The following DPY19L4 variants were observed in gnomAD, a reference collection of about 807,000 sequenced individuals.
DPY19L4 encodes the protein dpy-19 like 4.
DPY19L4 carries 97 observed loss-of-function variants against 102.8 expected under a neutral mutation model. The observed-to-expected ratio is 0.94, with a 90% CI of 0.80 to 1.12. The LOEUF is 1.12. DPY19L4 is among the 50% of genes most tolerant of loss of function. The probability of loss-of-function intolerance (pLI) is 0.00; values close to 1 mark genes in which losing one functional copy is unlikely to be tolerated. For missense variants in DPY19L4, 815 were observed against 850.4 expected (o/e 0.96, Z 0.52); for synonymous variants, 252 against 283.1 (o/e 0.89, Z 1.10).
intron 1 of DPY19L4, 46 bp downstream of exon 1, chr8:94,720,060 G>T: frequency 6.6e-7 from 1 of 1,515,412 alleles, no homozygotes; most frequent in African/African-American, 1.4e-5. Flanking sequence ...CAGTGGTCTC[G>T]GGAAGGAGGG....
chr8:94,723,882 C>CT lies in DPY19L4; in HGVS notation c.17-2447dup, dbSNP rs1475202029. 9.9e-5 allele frequency among the ~76,000 whole-genome samples: 15 copies of CT among 151,890 alleles called. No individual in the cohort carries two copies. In the East Asian group the frequency reaches 2.9e-3, roughly 29 times the overall value. ...TTATAGATTACATATTTGTATGGTC[C>CT]TTGATCATTGCTAATATAAGTTCTT... On this transcript the variant is annotated intron_variant, in intron 1 of 18. Transcript: ENST00000414645.
chr8:94,763,439 C>G (rs913433061), intron 8 of DPY19L4, among the ~76,000 whole-genome samples: 1 of 151,712 alleles, frequency 6.6e-6, no homozygotes, highest in Non-Finnish European at 1.5e-5. Context: ...CTCCCAGGCT[C>G]AAGCAATCCT....
chr8:94,764,689 G>GTGTGTGTGTGTATATATATA (rs1415377058), intron 8 of DPY19L4, among the ~76,000 whole-genome samples: 13 of 43,206 alleles, frequency 3.0e-4, no homozygotes, highest in Middle Eastern at 0.028. Context: ...GTCTGTGTGT[G>GTGTGTGTGTGTATATATATA]TATATATATA....
At chr8:94,747,014 T>A (rs1288349481) in intron 6 of DPY19L4, among the ~76,000 whole-genome samples, 1 of 105,076 alleles carries the variant, frequency 9.5e-6, no homozygotes. Context: ...CTACAAACAA[T>A]TTTTTTTTTT....
chr8:94,744,284 T>C (rs1811573537), intron 6 of DPY19L4: 1 of 451,714 alleles, frequency 2.2e-6, no homozygotes, highest in South Asian at 1.6e-5. Flanking sequence ...AGAGGCCCAG[T>C]ACCTTACTGG....
chr8:94,739,426 G>A lies in DPY19L4; in HGVS notation c.357G>A (p.Leu119=). ...TTCTGTCTTTAGGTGTTTACGAACTGACACACAATAACAAAACTGTATCTC... is the reference window on the plus strand; with the variant it reads ...TTCTGTCTTTAGGTGTTTACGAACTAACACACAATAACAAAACTGTATCTC... The part of the protein sequence containing the change: ...APSFERGVYE[L]THNNKTVSLK... The change falls in exon 5 of 19, where the codon CTG becomes CTA. Residue 119 remains leucine, a synonymous_variant. Coordinates refer to ENST00000414645, the MANE Select transcript of DPY19L4 (RefSeq NM_181787.3). The A allele has an allele frequency of 6.3e-7, 1 of 1,583,460 alleles. No individual in the cohort carries two copies. Among genetic ancestry groups the A allele is most frequent in the Non-Finnish European group, 8.5e-7 (1 of 1,170,178 alleles).
chr8:94,786,390 G>C (rs10096985), intron 17 of DPY19L4, among the ~76,000 whole-genome samples: 30,838 of 151,818 alleles, frequency 0.2, 3,198 homozygotes, highest in Admixed American at 0.24. Context: ...CTCCCAAAGT[G>C]CTAGGATTAC....
chr8:94,770,135 C>T (rs1812861794), intron 12 of DPY19L4, among the ~76,000 whole-genome samples: 1 of 152,104 alleles, frequency 6.6e-6, no homozygotes, highest in South Asian at 2.1e-4. Flanking sequence ...GATCTGCCCA[C>T]CTTGGCCTCC....
chr8:94,729,996 G>A (rs996956314), intron 2 of DPY19L4, among the ~76,000 whole-genome samples: 1 of 151,594 alleles, frequency 6.6e-6, no homozygotes, highest in Non-Finnish European at 1.5e-5. Context: ...AACCAAAACT[G>A]CATCCATAAT....
chr8:94,759,658 C>T (rs1053573179), intron 7 of DPY19L4, among the ~76,000 whole-genome samples: 2 of 151,984 alleles, frequency 1.3e-5, no homozygotes, highest in Non-Finnish European at 2.9e-5. Flanking sequence ...TGGCCTGTGC[C>T]ACCAAGCCCA....
chr8:94,775,766 TCTC>T (rs1343880940), intron 13 of DPY19L4, among the ~76,000 whole-genome samples: 5 of 152,202 alleles, frequency 3.3e-5, no homozygotes, highest in African/African-American at 4.8e-5. Context: ...GTCTGGTTGT[TCTC>T]CTTAGTATTT....
intron 7 of DPY19L4, among the ~76,000 whole-genome samples, chr8:94,760,066 G>A (rs373917101): frequency 4.6e-5 from 7 of 152,182 alleles, no homozygotes; most frequent in African/African-American, 1.7e-4. Flanking sequence ...AGGCAAGACT[G>A]CACAGAACCT....
At chr8:94,724,018 A>G (rs1280325264) in intron 1 of DPY19L4, among the ~76,000 whole-genome samples, 1 of 152,210 alleles carries the variant, frequency 6.6e-6, no homozygotes, top group Non-Finnish European at 1.5e-5. Context: ...ACACAAAGAG[A>G]ACATGTTTAA....
At chr8:94,720,205 C>T in intron 1 of DPY19L4, 191 bp downstream of exon 1, 8 of 985,200 alleles carry the variant, frequency 8.1e-6, no homozygotes, top group Non-Finnish European at 9.6e-6. Flanking sequence ...GCAAATGGCC[C>T]GAAGTTTTGT....
intron 8 of DPY19L4, among the ~76,000 whole-genome samples, chr8:94,764,689 G>GTGTGTGTATATATA (rs1415377058): frequency 4.6e-5 from 2 of 43,212 alleles, no homozygotes; most frequent in African/African-American, 2.3e-4. Context: ...GTCTGTGTGT[G>GTGTGTGTATATATA]TATATATATA....
intron 2 of DPY19L4, among the ~76,000 whole-genome samples, chr8:94,729,679 A>T (rs1011254097): frequency 2.7e-5 from 4 of 150,698 alleles, no homozygotes; most frequent in African/African-American, 9.8e-5. Flanking sequence ...AAAAAAAAAA[A>T]TTAGCTGAGA....
At chr8:94,730,978 C>T (rs1810926469) in intron 2 of DPY19L4, among the ~76,000 whole-genome samples, 1 of 148,482 alleles carries the variant, frequency 6.7e-6, no homozygotes, top group South Asian at 2.1e-4. Context: ...CTCCCGACCT[C>T]AGGTGATCCA....
intron 2 of DPY19L4, among the ~76,000 whole-genome samples, chr8:94,731,041 G>C (rs1292549397): frequency 7.4e-6 from 1 of 134,342 alleles, no homozygotes; most frequent in South Asian, 2.4e-4. Context: ...CACCACTCCC[G>C]GCCAACTCTG....
chr8:94,765,258 T>C lies in DPY19L4; in HGVS notation c.946T>C (p.Leu316=). 1 of 1,610,320 alleles carries C rather than the reference T, an allele frequency of 6.2e-7. No homozygotes were observed. The highest frequency in any genetic ancestry group is 1.7e-5 in the Admixed American group (1 of 59,222). The change falls in exon 9 of 19, where the codon TTG becomes CTG. Residue 316 remains leucine, a synonymous_variant. Coordinates refer to ENST00000414645, the MANE Select transcript of DPY19L4 (RefSeq NM_181787.3). ...YLLQFENPAL[L]VSPLLSLVAA... is the part of the protein sequence containing the mutation. ...ACTACAGTTTGAGAATCCAGCTTTG[T>C]TGGTATCTCCTTTATTAAGTTTAGT... is the stretch of plus-strand genomic sequence containing the variant.
Sources: allele counts gnomAD v4.1 joint callset (sites outside exome capture counted in the v4.1 genomes callset), GRCh38; gene constraint gnomAD v4.1.1; transcripts MANE v1.5; gene names NCBI Gene and HGNC (gene_info 2026-07-23, HGNC 2026-07-21).